HESX1: variants seen among roughly 807,000 people sequenced by gnomAD.
HESX1 encodes the protein HESX homeobox 1.
HESX1 carries 11 observed loss-of-function variants against 22.5 expected under a neutral mutation model. That is an observed-to-expected ratio of 0.49 (90% CI 0.31 to 0.81). The LOEUF (loss-of-function observed/expected upper bound fraction) is 0.81. HESX1 is among the 30% of genes least tolerant of loss of function. The pLI is 0.05. For synonymous variants in HESX1, 74 were observed against 76.5 expected, an observed-to-expected ratio of 0.97 and a Z score of 0.17; for missense variants, 201 against 212.6, an observed-to-expected ratio of 0.95 and a Z score of 0.34.
chr3:57,208,696 C>A (rs1407756339), intron 1 of HESX1, among the ~76,000 whole-genome samples: 1 of 150,178 alleles, frequency 6.7e-6, no homozygotes, highest in East Asian at 2.0e-4. Context: ...CACGGTGGCT[C>A]ACGCCTGTAA....
intron 1 of HESX1, among the ~76,000 whole-genome samples, chr3:57,207,083 G>A (rs940747135): frequency 4.6e-5 from 7 of 152,156 alleles, no homozygotes; most frequent in Admixed American, 4.6e-4. Flanking sequence ...GAGTAACTGG[G>A]ATTACAGGTG....
chr3:57,201,875 A>ATCTATATCTATCTATC (rs796249286), upstream of HESX1, among the ~76,000 whole-genome samples: 11 of 131,842 alleles, frequency 8.3e-5, no homozygotes, highest in African/African-American at 2.7e-4. Context: ...CTATCTATCT[A>ATCTATATCTATCTATC]TATCTATCTA....
intron 3 of HESX1, 32 bp downstream of exon 3, chr3:57,198,358 AC>A (rs2060460953): frequency 1.3e-6 from 2 of 1,548,338 alleles, no homozygotes; most frequent in East Asian, 4.5e-5. Context: ...TAACATTTCA[AC>A]ATCATGAATA....
chr3:57,213,405 G>A (rs1311219485), intron 1 of HESX1, among the ~76,000 whole-genome samples: 2 of 152,118 alleles, frequency 1.3e-5, no homozygotes, highest in Non-Finnish European at 2.9e-5. Flanking sequence ...GATTGACAGT[G>A]GGAACAAGAA....
At chr3:57,216,654 G>A (rs2060584517) in intron 1 of HESX1, among the ~76,000 whole-genome samples, 1 of 152,170 alleles carries the variant, frequency 6.6e-6, no homozygotes, top group Non-Finnish European at 1.5e-5. Flanking sequence ...TCGTGACTAG[G>A]TTCAGGTTGA....
chr3:57,224,117 C>T (rs1052372909), intron 1 of HESX1, among the ~76,000 whole-genome samples: 2 of 152,034 alleles, frequency 1.3e-5, no homozygotes, highest in African/African-American at 2.4e-5. Flanking sequence ...CTCAGCCTCC[C>T]GAGTAGCTGG....
At chr3:57,201,688 T>C (rs757351959), upstream of HESX1, among the ~76,000 whole-genome samples, 13 of 151,084 alleles carry the variant, frequency 8.6e-5, no homozygotes, top group Admixed American at 2.7e-4. Context: ...TAGATGTCAG[T>C]GTAGGCCTCA....
At chr3:57,219,846 A>C (rs2060604941) in intron 1 of HESX1, among the ~76,000 whole-genome samples, 1 of 152,146 alleles carries the variant, frequency 6.6e-6, no homozygotes, top group Non-Finnish European at 1.5e-5. Flanking sequence ...AAGTTTAATG[A>C]GATCCCATTT....
At chr3:57,210,168 T>G (rs1206990314) in intron 1 of HESX1, among the ~76,000 whole-genome samples, 1 of 152,182 alleles carries the variant, frequency 6.6e-6, no homozygotes, top group Non-Finnish European at 1.5e-5. Context: ...TACTTTGATA[T>G]GAGAAAGAAA....
Position 57,199,936 on chromosome 3 carries a change from A to C in HESX1, c.-18T>G. On this transcript the variant is annotated 5_prime_UTR_variant, in exon 1 of 4. Coordinates refer to ENST00000295934, the MANE Select transcript of HESX1 (RefSeq NM_003865.3). ...GGAGACATCCTCTCGTGGTCTGCACAGAGCAACAGCTCTGGCCTCTGCTGG... is the reference window on the plus strand; with the variant it reads ...GGAGACATCCTCTCGTGGTCTGCACCGAGCAACAGCTCTGGCCTCTGCTGG... 6.2e-7 allele frequency: 1 copy of C among 1,613,214 alleles called. No homozygotes were observed. The highest frequency in any genetic ancestry group is 1.1e-5 in the South Asian group (1 of 91,056).
At chr3:57,227,172 A>G (rs1307597905), upstream of HESX1, among the ~76,000 whole-genome samples, 1 of 152,154 alleles carries the variant, frequency 6.6e-6, no homozygotes, top group Non-Finnish European at 1.5e-5. Flanking sequence ...ACTGGCAACA[A>G]AATCACATGT....
upstream of HESX1, among the ~76,000 whole-genome samples, chr3:57,204,058 C>G (rs2060505363): frequency 6.6e-6 from 1 of 152,236 alleles, no homozygotes; most frequent in Admixed American, 6.5e-5. Flanking sequence ...AGATCCTAAT[C>G]CATCTTGCAG....
At chr3:57,201,302 G>A (rs2060484344), upstream of HESX1, among the ~76,000 whole-genome samples, 1 of 152,098 alleles carries the variant, frequency 6.6e-6, no homozygotes, top group Non-Finnish European at 1.5e-5. Context: ...AAACCATTCT[G>A]CGGATGAATA....
intron 1 of HESX1, among the ~76,000 whole-genome samples, chr3:57,208,173 T>C (rs941776224): frequency 2.6e-5 from 4 of 152,196 alleles, no homozygotes; most frequent in Admixed American, 2.0e-4. Flanking sequence ...ATGTTCTATA[T>C]TTTGATAGAT....
chr3:57,207,411 A>C (rs1217546882), intron 1 of HESX1, among the ~76,000 whole-genome samples: 1 of 152,042 alleles, frequency 6.6e-6, no homozygotes, highest in East Asian at 1.9e-4. Context: ...CTGTGTTCCC[A>C]TTTTCTCTTT....
chr3:57,216,160 C>G (rs1017892200), intron 1 of HESX1, among the ~76,000 whole-genome samples: 1 of 152,230 alleles, frequency 6.6e-6, no homozygotes, highest in Non-Finnish European at 1.5e-5. Flanking sequence ...ACTTCCTTCA[C>G]AGTAAAATAA....
At chr3:57,212,133 T>TA (rs2060558233) in intron 1 of HESX1, among the ~76,000 whole-genome samples, 1 of 152,110 alleles carries the variant, frequency 6.6e-6, no homozygotes, top group Admixed American at 6.6e-5. Context: ...CTCAAAAGAG[T>TA]AAAGTATTAT....
chr3:57,219,735 A>G (rs975625369), intron 1 of HESX1, among the ~76,000 whole-genome samples: 1 of 152,162 alleles, frequency 6.6e-6, no homozygotes, highest in African/African-American at 2.4e-5. Context: ...GATGCTGAAT[A>G]TTAGACCTTT....
At chr3:57,226,652 T>G (rs918072623), upstream of HESX1, 2 of 152,230 alleles carry the variant, frequency 1.3e-5, no homozygotes, top group East Asian at 3.8e-4. Context: ...TGTTACTATA[T>G]TTGGATTTGA....
Sources: gnomAD v4.1 joint callset for allele counts (sites outside exome capture counted in the v4.1 genomes callset) on GRCh38, gnomAD v4.1.1 for gene constraint, MANE v1.5 for transcripts, NCBI Gene and HGNC (gene_info 2026-07-23, HGNC 2026-07-21) for gene names.